The following CACNA1D variants were observed in gnomAD, a reference collection of about 807,000 sequenced individuals.
CACNA1D encodes the protein voltage-dependent L-type calcium channel subunit alpha-1D.
Under a neutral mutation model 257.1 loss-of-function variants are expected in CACNA1D, and 55 were observed. The ratio of observed to expected loss-of-function variants is 0.21; its 90% confidence interval spans 0.17 to 0.27. The LOEUF (loss-of-function observed/expected upper bound fraction) is 0.27, where lower values mean the gene tolerates loss of function less well. CACNA1D is among the 10% of genes least tolerant of loss of function. CACNA1D has a pLI of 1.00. For synonymous variants in CACNA1D, 980 were observed against 1,014.9 expected (o/e 0.97, Z 0.65); for missense variants, 1,876 against 2,784.0 (o/e 0.67, Z 7.34).
At position 53,793,061 on chromosome 3, in the gene CACNA1D, A is replaced by G. The variant is rs1169025781; in HGVS notation, c.4923+6109A>G. Reference sequence around the variant, plus strand: ...AGGAACACTCCAGTGTGGCCAGGCCACTTGTCAAGATGTTGAAGCACAGCT... The same window carrying G: ...AGGAACACTCCAGTGTGGCCAGGCCGCTTGTCAAGATGTTGAAGCACAGCT... On this transcript the variant is annotated intron_variant, in intron 40 of 47. Transcript: ENST00000350061. This position sits in a 1 kb window ranked among gnomAD's most constrained non-coding sequence, Gnocchi z 4.1. 6.6e-6 allele frequency among the ~76,000 whole-genome samples: 1 copy of G among 152,188 alleles called. No homozygotes were observed. Among genetic ancestry groups the G allele is most frequent in the East Asian group, 1.9e-4 (1 of 5,188 alleles).
rs558159231 is a variant in CACNA1D, at chr3:53,598,997, G to T, written c.484-51782G>T. Among the ~76,000 whole-genome samples, 55 of 119,060 alleles carry T rather than the reference G, an allele frequency of 4.6e-4. 2 individuals are homozygous for T. In the South Asian group the frequency reaches 0.017, roughly 37 times the overall value. The allele number at this position is 119,060 out of a possible 152,430, so 78.1% of individuals were successfully genotyped here. A position where few individuals can be genotyped will look rare whatever the true frequency, so the allele number is the denominator to read the frequency against. On this transcript the variant is annotated intron_variant, in intron 3 of 47. Coordinates refer to ENST00000350061, the MANE Select transcript of CACNA1D (RefSeq NM_001128840.3). Reference sequence around the variant, plus strand: ...AAGTAAGTTTTGGTGGAACAAGTTTGTATGTTATTGGTGTGCCTTTTTTTT... The same window carrying T: ...AAGTAAGTTTTGGTGGAACAAGTTTTTATGTTATTGGTGTGCCTTTTTTTT...
intron 21 of CACNA1D, among the ~76,000 whole-genome samples, chr3:53,741,701 C>T (rs1035422707): frequency 3.9e-5 from 6 of 152,046 alleles, no homozygotes; most frequent in African/African-American, 4.8e-5. Context: ...TGGTGGGGGT[C>T]GGAGGGATGC....
At chr3:53,606,125 A>T (rs1279337873) in intron 3 of CACNA1D, among the ~76,000 whole-genome samples, 1 of 152,268 alleles carries the variant, frequency 6.6e-6, no homozygotes, top group African/African-American at 2.4e-5. Context: ...TAATAGGAAC[A>T]AAGTGCTGAA....
chr3:53,651,065 T>A, intron 4 of CACNA1D, 147 bp downstream of exon 4: 1 of 723,648 alleles, frequency 1.4e-6, no homozygotes, highest in Non-Finnish European at 2.4e-6. Flanking sequence ...GGAGTTCTTT[T>A]AAGGCTGGTG....
rs757846772 is a variant in CACNA1D, at chr3:53,774,558, C to A, written c.4111-29C>A. On this transcript the variant is annotated intron_variant, in intron 33 of 47. Coordinates refer to ENST00000350061, the MANE Select transcript of CACNA1D (RefSeq NM_001128840.3). This position sits in a 1 kb window ranked among gnomAD's most constrained non-coding sequence, Gnocchi z 4.3. ...TTTTTTTTGCATGACGAAATCTATT[C>A]TCTTTTTCCTGACAACTTCTCCACC... 1.1e-5 allele frequency: 15 copies of A among 1,333,684 alleles called. No individual in the cohort carries two copies. Among genetic ancestry groups the A allele is most frequent in the Non-Finnish European group, 1.5e-5 (14 of 923,860 alleles). The allele number at this position is 1,333,684 out of a possible 1,614,324, so 82.6% of individuals were successfully genotyped here.
intron 3 of CACNA1D, among the ~76,000 whole-genome samples, chr3:53,611,740 T>C (rs1457937946): frequency 1.3e-5 from 2 of 152,250 alleles, no homozygotes; most frequent in South Asian, 2.1e-4. Context: ...TGTAGCCATG[T>C]TCATTAATCT....
chr3:53,630,040 G>T (rs1028959209), intron 3 of CACNA1D, among the ~76,000 whole-genome samples: 2 of 152,142 alleles, frequency 1.3e-5, no homozygotes, highest in East Asian at 1.9e-4. Context: ...TATTTGACCT[G>T]TTAGGTTGGT....
chr3:53,497,148 C>T lies in CACNA1D; in HGVS notation c.68-4C>T. The stretch of plus-strand genomic sequence containing the variant: ...AAAATCTTTGTTTTTCTCCTTCTCC[C>T]CAGAGGCAAACTATGCAAGAGGCAC... On this transcript the variant is annotated splice_region_variant and splice_polypyrimidine_tract_variant and intron_variant, in intron 1 of 47. Transcript: ENST00000350061. The T allele has an allele frequency of 1.2e-6, 2 of 1,613,714 alleles. No individual in the cohort carries two copies. The highest frequency in any genetic ancestry group is 1.1e-5 in the South Asian group (1 of 90,978).
chr3:53,751,588 G>A lies in CACNA1D; in HGVS notation c.3517-161G>A, dbSNP rs558679967. On this transcript the variant is annotated intron_variant, in intron 27 of 47. Transcript: ENST00000350061. The surrounding 1 kb of genome is among the most constrained non-coding windows in gnomAD (Gnocchi z 4.3). ...CAGGGCCCTCGGTGACTCAAGAGTG[G>A]TGCCAGCAGCAGGAAGGGGGTCACT... 2.4e-4 allele frequency among the ~76,000 whole-genome samples: 37 copies of A among 152,338 alleles called. No homozygotes were observed. The highest frequency in any genetic ancestry group is 8.9e-4 in the African/African-American group (37 of 41,570).
chr3:53,661,152 CT>C (rs2094200023), intron 5 of CACNA1D, among the ~76,000 whole-genome samples: 2 of 152,192 alleles, frequency 1.3e-5, no homozygotes, highest in South Asian at 4.1e-4. Flanking sequence ...GGTAGAAGTC[CT>C]AACACCTTTC....
At chr3:53,519,282 G>A (rs187600222) in intron 3 of CACNA1D, among the ~76,000 whole-genome samples, 33 of 152,288 alleles carry the variant, frequency 2.2e-4, no homozygotes, top group South Asian at 1.7e-3. Flanking sequence ...CCAGCAGGGC[G>A]TCTTGAGCTT....
intron 3 of CACNA1D, among the ~76,000 whole-genome samples, chr3:53,501,922 G>A (rs1201808650): frequency 1.3e-5 from 2 of 151,992 alleles, no homozygotes; most frequent in Non-Finnish European, 2.9e-5. Context: ...AGTATTTAAA[G>A]TCATGAATCT....
chr3:53,690,042 C>G (rs898359757), intron 8 of CACNA1D, among the ~76,000 whole-genome samples: 5 of 152,126 alleles, frequency 3.3e-5, no homozygotes, highest in South Asian at 2.1e-4. Flanking sequence ...GGTAAGTGTT[C>G]TTTGCCTCAG....
chr3:53,792,774 T>A (rs1435404521), intron 40 of CACNA1D, among the ~76,000 whole-genome samples: 1 of 152,202 alleles, frequency 6.6e-6, no homozygotes, highest in African/African-American at 2.4e-5. Context: ...CTTTTGTGCC[T>A]ATGACATTTG....
At chr3:53,730,878 TG>T in intron 16 of CACNA1D, 198 bp from the exon 17 acceptor site, 1 of 608,396 alleles carries the variant, frequency 1.6e-6, no homozygotes, top group Non-Finnish European at 2.9e-6. Context: ...TTTAATAAGA[TG>T]GTCTGTGTAA....
intron 29 of CACNA1D, among the ~76,000 whole-genome samples, chr3:53,754,987 C>T (rs1055955264): frequency 2.0e-5 from 3 of 152,182 alleles, no homozygotes; most frequent in African/African-American, 7.2e-5. Context: ...TCAAATTTGG[C>T]ACCTAATGCA....
chr3:53,541,265 A>G (rs1291852791), intron 3 of CACNA1D, among the ~76,000 whole-genome samples: 1 of 152,216 alleles, frequency 6.6e-6, no homozygotes, highest in East Asian at 1.9e-4. Flanking sequence ...AGCCTAAATT[A>G]GGAGGTCTAA....
Position 53,787,452 on chromosome 3 carries a change from T to TGTGTGTGC in CACNA1D, c.4923+502_4923+503insGTGTGCGT, listed in dbSNP as rs780595738. On this transcript the variant is annotated intron_variant, in intron 40 of 47. Coordinates refer to ENST00000350061, the MANE Select transcript of CACNA1D (RefSeq NM_001128840.3). ...GTGTGTGTGTGTGTGTGTGTGTGTG[T>TGTGTGTGC]GTATGTATGTATGTGTGGTGTGTCT... 7.3e-5 allele frequency among the ~76,000 whole-genome samples: 11 copies of TGTGTGTGC among 150,512 alleles called. No homozygotes were observed. The South Asian group carries it at 2.3e-3, about 32-fold the overall frequency.
At chr3:53,782,262 G>GTATATATATATATATATATA (rs1413952414) in intron 39 of CACNA1D, 6 of 42,010 alleles carry the variant, frequency 1.4e-4, no homozygotes, top group East Asian at 2.0e-3. Flanking sequence ...GTGTGTGTGT[G>GTATATATATATATATATATA]TGTATATATA....
Sources: allele counts gnomAD v4.1 joint callset (sites outside exome capture counted in the v4.1 genomes callset), GRCh38; gene constraint gnomAD v4.1.1; non-coding constraint Gnocchi (gnomAD v3.1); transcripts MANE v1.5; gene names NCBI Gene and HGNC (gene_info 2026-07-23, HGNC 2026-07-21).